The following TMEM163 variants were observed in gnomAD, a reference collection of about 807,000 sequenced individuals.
TMEM163 encodes transmembrane protein 163.
In TMEM163, 17 loss-of-function variants were observed where a neutral mutation model predicts 29.3. The ratio of observed to expected loss-of-function variants is 0.58; its 90% CI spans 0.40 to 0.87. TMEM163 has a LOEUF of 0.87. TMEM163 is among the 40% of genes least tolerant of loss of function. The probability of loss-of-function intolerance (pLI) is 0.00; values close to 1 mark genes in which losing one functional copy is unlikely to be tolerated. For missense variants in TMEM163, 303 were observed against 381.5 expected, an observed-to-expected ratio of 0.79 and a Z score of 1.71; for synonymous variants, 157 against 160.6, an observed-to-expected ratio of 0.98 and a Z score of 0.17.
At chr2:134,634,445 T>TGG (rs1372070484) in intron 2 of TMEM163, among the ~76,000 whole-genome samples, 4 of 152,270 alleles carry the variant, frequency 2.6e-5, no homozygotes, top group African/African-American at 9.6e-5. Context: ...CCATGAACAA[T>TGG]AATTCAAGAC....
intron 4 of TMEM163, among the ~76,000 whole-genome samples, chr2:134,521,718 C>A (rs1277650116): frequency 2.0e-5 from 3 of 152,134 alleles, no homozygotes; most frequent in Non-Finnish European, 2.9e-5. Context: ...CACAGAAAGG[C>A]CACCACAGCC....
chr2:134,713,890 C>T (rs1326037832), intron 1 of TMEM163, among the ~76,000 whole-genome samples: 2 of 152,154 alleles, frequency 1.3e-5, no homozygotes, highest in Non-Finnish European at 2.9e-5. Flanking sequence ...GCCTCCAGGC[C>T]CAAATTATAT....
chr2:134,460,555 A>G lies in TMEM163; in HGVS notation c.668-2382T>C, dbSNP rs1686512779. 6.6e-6 allele frequency among the ~76,000 whole-genome samples: 1 copy of G among 152,020 alleles called. No homozygotes were observed. The highest frequency in any genetic ancestry group is 2.4e-5 in the African/African-American group (1 of 41,388). On this transcript the variant is annotated intron_variant, in intron 6 of 7. Coordinates refer to ENST00000281924, the MANE Select transcript of TMEM163 (RefSeq NM_030923.5). The surrounding 1 kb of genome is among the most constrained non-coding windows in gnomAD (Gnocchi z 4.3). The stretch of plus-strand genomic sequence containing the variant: ...CAAATGACCGCTGCATTAACAAGTG[A>G]CCACACGAAGGAGGAAGTAGGCAGG...
At chr2:134,709,229 C>A (rs939858819) in intron 2 of TMEM163, among the ~76,000 whole-genome samples, 1 of 152,102 alleles carries the variant, frequency 6.6e-6, no homozygotes, top group Non-Finnish European at 1.5e-5. Context: ...ATGCTGCCTA[C>A]CGATTATAAA....
At chr2:134,656,294 G>A (rs1683610615) in intron 2 of TMEM163, among the ~76,000 whole-genome samples, 1 of 151,420 alleles carries the variant, frequency 6.6e-6, no homozygotes, top group South Asian at 2.1e-4. Context: ...ATATTCGGGT[G>A]GGAGTGACCC....
intron 4 of TMEM163, among the ~76,000 whole-genome samples, chr2:134,548,641 T>C (rs545715782): frequency 2.6e-5 from 4 of 152,120 alleles, no homozygotes; most frequent in Admixed American, 6.5e-5. Context: ...GTATCCTTTA[T>C]CCAAAATGCT....
At chr2:134,529,048 C>A (rs539029159) in intron 4 of TMEM163, among the ~76,000 whole-genome samples, 26 of 152,214 alleles carry the variant, frequency 1.7e-4, no homozygotes, top group African/African-American at 6.0e-4. Context: ...GTGTACCAAC[C>A]CGGCCAGATG....
chr2:134,688,543 G>T (rs1017302341), intron 2 of TMEM163, among the ~76,000 whole-genome samples: 10 of 152,124 alleles, frequency 6.6e-5, no homozygotes, highest in African/African-American at 2.4e-4. Context: ...AAACAGGAAA[G>T]AGTAATTAGG....
intron 2 of TMEM163, among the ~76,000 whole-genome samples, chr2:134,556,097 A>T (rs559451934): frequency 2.0e-5 from 3 of 152,232 alleles, no homozygotes; most frequent in Non-Finnish European, 4.4e-5. Flanking sequence ...AGTGATTTGA[A>T]CATAAGTGGG....
intron 5 of TMEM163, among the ~76,000 whole-genome samples, chr2:134,498,359 T>TTC (rs1679620857): frequency 6.8e-6 from 1 of 146,718 alleles, no homozygotes; most frequent in South Asian, 2.2e-4. Context: ...GTGGGCTTTT[T>TTC]TTTTTTTTTT....
In TMEM163 at chr2:134,502,999, T is replaced by G; in HGVS notation, c.459-2A>C. On this transcript the variant is annotated splice_acceptor_variant, in intron 4 of 7. Coordinates refer to ENST00000281924, the MANE Select transcript of TMEM163 (RefSeq NM_030923.5). LOFTEE classifies it high-confidence loss of function. ...ATCACCCCCAAGATGACACAGGCTC[T>G]GCAAAAAACAAAACATTGAGAATCT... 6.2e-7 allele frequency: 1 copy of G among 1,612,050 alleles called. No individual in the cohort carries two copies. The highest frequency in any genetic ancestry group is 8.5e-7 in the Non-Finnish European group (1 of 1,178,890).
At chr2:134,566,919 G>C (rs1681311923) in intron 2 of TMEM163, among the ~76,000 whole-genome samples, 2 of 152,164 alleles carry the variant, frequency 1.3e-5, no homozygotes, top group African/African-American at 2.4e-5. Context: ...AAAATGTAGT[G>C]ACAGAATAAA....
At chr2:134,532,758 G>A (rs562204484) in intron 4 of TMEM163, among the ~76,000 whole-genome samples, 1 of 152,290 alleles carries the variant, frequency 6.6e-6, no homozygotes, top group Non-Finnish European at 1.5e-5. Flanking sequence ...AATACTGCTG[G>A]CTTCATGTGC....
intron 2 of TMEM163, among the ~76,000 whole-genome samples, chr2:134,632,313 T>C (rs926850788): frequency 6.6e-6 from 1 of 152,158 alleles, no homozygotes; most frequent in African/African-American, 2.4e-5. Context: ...TAGTAATTTG[T>C]TCACCAGTAG....
chr2:134,558,984 A>T (rs1272235622), intron 2 of TMEM163, among the ~76,000 whole-genome samples: 1 of 152,236 alleles, frequency 6.6e-6, no homozygotes, highest in African/African-American at 2.4e-5. Context: ...TCTTTCCATC[A>T]TCCACAATAC....
intron 4 of TMEM163, among the ~76,000 whole-genome samples, chr2:134,505,201 C>T (rs1679792375): frequency 6.6e-6 from 1 of 151,394 alleles, no homozygotes; most frequent in South Asian, 2.1e-4. Context: ...TCAGCACTTC[C>T]CAGCACTGAG....
At chr2:134,555,874 C>A (rs949494176) in intron 2 of TMEM163, among the ~76,000 whole-genome samples, 1 of 152,214 alleles carries the variant, frequency 6.6e-6, no homozygotes, top group Non-Finnish European at 1.5e-5. Flanking sequence ...GCCCTACCCT[C>A]AAGACTATGT....
Position 134,550,605 on chromosome 2 carries a change from G to A in TMEM163, c.423C>T (p.Asn141=), listed in dbSNP as rs146033998. 95 of 1,614,166 alleles carry A rather than the reference G, an allele frequency of 5.9e-5. No homozygotes were observed. The African/African-American group carries it at 7.9e-4, about 13-fold the overall frequency. ...SSAIVLWRYS[N]AAAVHSAHRE... ...TATGGGCAGAGTGCACAGCGGCCGC[G>A]TTGCTGTAACGCCACAGGACAATCG... The change falls in exon 4 of 8, where the codon AAC becomes AAT. Residue 141 remains asparagine, a synonymous_variant. Transcript: ENST00000281924.
intron 5 of TMEM163, among the ~76,000 whole-genome samples, chr2:134,491,778 T>G (rs1437295152): frequency 6.6e-6 from 1 of 152,178 alleles, no homozygotes; most frequent in African/African-American, 2.4e-5. Flanking sequence ...AGAGGCTTAA[T>G]AGACAAAATA....
Sources: gnomAD v4.1 joint callset for allele counts (sites outside exome capture counted in the v4.1 genomes callset) on GRCh38, gnomAD v4.1.1 for gene constraint, Gnocchi (gnomAD v3.1) non-coding constraint, MANE v1.5 for transcripts, NCBI Gene and HGNC (gene_info 2026-07-23, HGNC 2026-07-21) for gene names.